The following CDH12 variants were observed in gnomAD, a reference collection of about 807,000 sequenced individuals.
CDH12 encodes the protein cadherin 12, also known as cadherin-12.
CDH12 carries 41 observed loss-of-function variants against 74.1 expected under a neutral mutation model. The observed-to-expected ratio is 0.55, with a 90% CI of 0.43 to 0.72. The LOEUF (loss-of-function observed/expected upper bound fraction) is 0.72. CDH12 is among the 30% of genes least tolerant of loss of function. The pLI is 0.00. For synonymous variants in CDH12, 399 were observed against 355.0 expected (o/e 1.12, Z -1.39); for missense variants, 945 against 977.2 (o/e 0.97, Z 0.44).
intron 3 of CDH12, among the ~76,000 whole-genome samples, chr5:22,287,088 A>G (rs1025000486): frequency 3.9e-5 from 6 of 152,180 alleles, no homozygotes; most frequent in African/African-American, 1.4e-4. Context: ...CTATGTAAAT[A>G]CAGATCACAG....
intron 1 of CDH12, among the ~76,000 whole-genome samples, chr5:22,676,268 G>A (rs1741184652): frequency 1.3e-5 from 2 of 152,026 alleles, no homozygotes; most frequent in African/African-American, 4.8e-5. Context: ...ACTACTGTAA[G>A]CAATATGTTT....
intron 1 of CDH12, among the ~76,000 whole-genome samples, chr5:22,783,229 G>A (rs533345973): frequency 2.0e-5 from 3 of 152,040 alleles, no homozygotes; most frequent in East Asian, 3.9e-4. Flanking sequence ...TTTAAATGTT[G>A]TATCAGTAGT....
At chr5:22,819,877 T>C (rs1486889613) in intron 1 of CDH12, among the ~76,000 whole-genome samples, 2 of 149,090 alleles carry the variant, frequency 1.3e-5, no homozygotes, top group Non-Finnish European at 3.0e-5. Context: ...TAAATATATA[T>C]ATTTATATCC....
intron 6 of CDH12, among the ~76,000 whole-genome samples, chr5:21,909,797 A>G (rs1379134057): frequency 6.6e-6 from 1 of 152,206 alleles, no homozygotes; most frequent in Non-Finnish European, 1.5e-5. Flanking sequence ...CAATTTAACT[A>G]TATGAAAAAA....
intron 1 of CDH12, among the ~76,000 whole-genome samples, chr5:22,605,944 C>T (rs191416018): frequency 2.0e-5 from 3 of 152,180 alleles, no homozygotes; most frequent in Non-Finnish European, 4.4e-5. Context: ...GCAAGAGCAG[C>T]ATCTCTGTTG....
At chr5:22,144,878 A>G (rs1747056112) in intron 4 of CDH12, among the ~76,000 whole-genome samples, 1 of 152,158 alleles carries the variant, frequency 6.6e-6, no homozygotes, top group African/African-American at 2.4e-5. Flanking sequence ...AAAATTTTAA[A>G]TTACTATCTG....
intron 3 of CDH12, among the ~76,000 whole-genome samples, chr5:22,239,921 C>T (rs1752689294): frequency 6.6e-6 from 1 of 152,056 alleles, no homozygotes; most frequent in Admixed American, 6.6e-5. Flanking sequence ...AAGGTAGCTC[C>T]CTCTACAATA....
chr5:22,792,976 A>T (rs1006326948), intron 1 of CDH12, among the ~76,000 whole-genome samples: 4 of 152,206 alleles, frequency 2.6e-5, no homozygotes, highest in African/African-American at 9.6e-5. Context: ...CCAGGTTGTC[A>T]TTCTCTAAAT....
At chr5:22,823,026 A>G (rs1330987914) in intron 1 of CDH12, among the ~76,000 whole-genome samples, 1 of 152,192 alleles carries the variant, frequency 6.6e-6, no homozygotes, top group Non-Finnish European at 1.5e-5. Context: ...AATGTGGCAC[A>G]TATACACAAT....
At chr5:22,445,891 C>A (rs145793785) in intron 2 of CDH12, among the ~76,000 whole-genome samples, 111 of 152,238 alleles carry the variant, frequency 7.3e-4, no homozygotes, top group Middle Eastern at 3.4e-3. Context: ...ATGTGTCCTT[C>A]AATAGACAAA....
chr5:22,084,726 C>T (rs868389405), intron 4 of CDH12, among the ~76,000 whole-genome samples: 2 of 152,198 alleles, frequency 1.3e-5, no homozygotes, highest in Middle Eastern at 3.4e-3. Flanking sequence ...CAGACTCTGG[C>T]CACGGTTGTC....
rs1447869058 is a variant in CDH12, at chr5:21,975,257, T to A, written c.360A>T (p.Glu120Asp). The change falls in exon 6 of 15, where the codon GAA becomes GAT. Residue 120 changes from glutamate (E) to aspartate (D), a missense_variant. Around this residue, in one of 3 missense-constraint regions of CDH12, gnomAD observed 148 missense variants for 162.8 expected, o/e 0.91. Transcript: ENST00000382254. ...DIHAIRSLDR[E>D]EKPFYTLRAQ... ...CACGAAGAGTGTAGAAAGGTTTCTC[T>A]TCTCTATCTAGGCTCCTTATTGCAT... 1.3e-6 allele frequency: 2 copies of A among 1,597,252 alleles called. No individual in the cohort carries two copies. Among genetic ancestry groups the A allele is most frequent in the African/African-American group, 2.7e-5 (2 of 74,848 alleles).
intron 1 of CDH12, among the ~76,000 whole-genome samples, chr5:22,802,355 T>C (rs1748578471): frequency 6.6e-6 from 1 of 151,806 alleles, no homozygotes; most frequent in South Asian, 2.1e-4. Flanking sequence ...CTCCTGACCT[T>C]GTGATCCGCC....
At chr5:22,222,808 A>C (rs1752065854) in intron 3 of CDH12, among the ~76,000 whole-genome samples, 1 of 151,988 alleles carries the variant, frequency 6.6e-6, no homozygotes, top group African/African-American at 2.4e-5. Flanking sequence ...AAAAAATTAG[A>C]TAATTAAGAA....
chr5:22,768,618 T>C (rs1746643059), intron 1 of CDH12, among the ~76,000 whole-genome samples: 1 of 152,074 alleles, frequency 6.6e-6, no homozygotes, highest in East Asian at 1.9e-4. Flanking sequence ...AGAAGATATA[T>C]ATTCAGTTCT....
chr5:21,942,912 C>A (rs1181965543), intron 6 of CDH12, among the ~76,000 whole-genome samples: 2 of 152,124 alleles, frequency 1.3e-5, no homozygotes, highest in African/African-American at 4.8e-5. Context: ...GTGCTGTCAC[C>A]CAAATCTCAT....
intron 6 of CDH12, among the ~76,000 whole-genome samples, chr5:21,961,935 G>T (rs995789761): frequency 5.9e-5 from 9 of 151,982 alleles, no homozygotes; most frequent in Admixed American, 5.9e-4. Flanking sequence ...GTTACTATTT[G>T]CCTACTATTT....
At chr5:21,888,913 T>C (rs1469532069) in intron 6 of CDH12, among the ~76,000 whole-genome samples, 1 of 152,040 alleles carries the variant, frequency 6.6e-6, no homozygotes, top group Non-Finnish European at 1.5e-5. Context: ...CTTCTATCAT[T>C]ATAGATAAGG....
intron 1 of CDH12, among the ~76,000 whole-genome samples, chr5:22,710,084 C>T (rs1743214619): frequency 6.6e-6 from 1 of 152,118 alleles, no homozygotes; most frequent in African/African-American, 2.4e-5. Flanking sequence ...TTGCTTAAGC[C>T]TAGACTGCTA....
Sources: gnomAD v4.1 joint callset for allele counts (sites outside exome capture counted in the v4.1 genomes callset) on GRCh38, gnomAD v4.1.1 for gene constraint, gnomAD v4.1.1 regional missense constraint, MANE v1.5 for transcripts, NCBI Gene and HGNC (gene_info 2026-07-23, HGNC 2026-07-21) for gene names.